Variants in COL4A4 observed in about 807,000 individuals in gnomAD.
COL4A4 encodes the protein collagen type IV alpha 4 chain, also known as collagen alpha-4(IV) chain.
COL4A4 carries 105 observed loss-of-function variants against 192.9 expected under a neutral mutation model. That is an observed-to-expected ratio of 0.54 (90% confidence interval 0.46 to 0.64). The LOEUF is 0.64. Among genes scored for constraint, COL4A4 ranks in the 30% least tolerant of loss-of-function variants. COL4A4 has a pLI of 0.00. For missense variants in COL4A4, 1,967 were observed against 2,169.3 expected, an observed-to-expected ratio of 0.91 and a Z score of 1.85; for synonymous variants, 762 against 769.9, an observed-to-expected ratio of 0.99 and a Z score of 0.17.
intron 22 of COL4A4, among the ~76,000 whole-genome samples, chr2:227,088,319 G>A (rs2059711905): frequency 6.6e-6 from 1 of 152,270 alleles, no homozygotes. Flanking sequence ...TGTTGAGGGA[G>A]GGACCTGGTA....
the COL4A4 span, among the ~76,000 whole-genome samples, chr2:226,986,591 C>A: frequency 1.3e-5 from 2 of 152,202 alleles, no homozygotes; most frequent in Non-Finnish European, 2.9e-5. Flanking sequence ...AGCTCATCAT[C>A]ACTGGTCATT....
intron 37 of COL4A4, among the ~76,000 whole-genome samples, chr2:227,035,530 A>C (rs1262141665): frequency 1.0e-5 from 1 of 97,282 alleles, no homozygotes; most frequent in Admixed American, 9.4e-5. Context: ...CTCGTGCACC[A>C]AAAAAAAAAA....
Position 227,041,709 on chromosome 2 carries a change from AAGGAAGGGAGG to A in COL4A4, c.3505+428_3505+438del, listed in dbSNP as rs1277518005. ...AAGACAGAGAGAGAGAGAGAGAAGG[AAGGAAGGGAGG>A]AGGAAGGAAGGAAGGAAGGAAGGAA... On this transcript the variant is annotated intron_variant, in intron 37 of 47. Coordinates refer to ENST00000396625, the MANE Select transcript of COL4A4 (RefSeq NM_000092.5). 1.8e-3 allele frequency among the ~76,000 whole-genome samples: 240 copies of A among 130,644 alleles called. 5 individuals are homozygous for A. The highest frequency in any genetic ancestry group is 7.6e-3 in the African/African-American group (230 of 30,234). 85.7% of individuals were successfully genotyped at this position (130,644 alleles called of 152,430 possible). A position where few individuals can be genotyped will look rare whatever the true frequency, so the allele number is the denominator to read the frequency against.
chr2:227,106,804 G>A (rs998038892), intron 12 of COL4A4, among the ~76,000 whole-genome samples: 3 of 152,212 alleles, frequency 2.0e-5, no homozygotes, highest in African/African-American at 7.2e-5. Context: ...GACCTGAGGT[G>A]ATCCACCCAC....
chr2:227,005,164 G>A lies in COL4A4; in HGVS notation c.*2161C>T, dbSNP rs1961823034. Reference sequence around the variant, plus strand: ...TCTGATACCTTCCCAAGCTCACTGTGGAGTAAACTGTCTACATAATTTAGC... The same window carrying A: ...TCTGATACCTTCCCAAGCTCACTGTAGAGTAAACTGTCTACATAATTTAGC... On this transcript the variant is annotated 3_prime_UTR_variant, in exon 48 of 48. Coordinates refer to ENST00000396625, the MANE Select transcript of COL4A4 (RefSeq NM_000092.5). 1 of 151,228 alleles carries A rather than the reference G, an allele frequency of 6.6e-6. No individual in the cohort carries two copies. The highest frequency in any genetic ancestry group is 1.5e-5 in the Non-Finnish European group (1 of 67,900). The allele number at this position is 151,228 out of a possible 1,614,324, so 9.4% of individuals were successfully genotyped here.
Position 227,050,058 on chromosome 2 carries a change from C to G in COL4A4, c.3214+10G>C. ...ATTTGACAGATGGCTTCTGTATCTC[C>G]AAACCATACCTTTAGGTCCTCTTGC... On this transcript the variant is annotated intron_variant, in intron 34 of 47. Transcript: ENST00000396625. 6.2e-7 allele frequency: 1 copy of G among 1,613,584 alleles called. No individual in the cohort carries two copies. The highest frequency in any genetic ancestry group is 8.5e-7 in the Non-Finnish European group (1 of 1,179,478).
At chr2:227,139,192 C>T (rs539711436) in intron 4 of COL4A4, among the ~76,000 whole-genome samples, 2 of 152,246 alleles carry the variant, frequency 1.3e-5, no homozygotes, top group African/African-American at 4.8e-5. Context: ...CTGGATCTGC[C>T]AGCACCTTGT....
chr2:227,098,936 A>G (rs542635797), intron 18 of COL4A4, 138 bp from the exon 19 acceptor site: 14 of 700,446 alleles, frequency 2.0e-5, no homozygotes, highest in Non-Finnish European at 3.0e-5. Flanking sequence ...TTAAAACGAA[A>G]TATCTTAAAT....
intron 44 of COL4A4, among the ~76,000 whole-genome samples, chr2:227,016,917 G>A (rs1473162945): frequency 6.6e-6 from 1 of 152,182 alleles, no homozygotes; most frequent in Non-Finnish European, 1.5e-5. Flanking sequence ...GAGGAGCCCT[G>A]CCCTTCCTGG....
chr2:227,030,935 TGG>T, intron 40 of COL4A4, among the ~76,000 whole-genome samples: 1 of 151,036 alleles, frequency 6.6e-6, no homozygotes, highest in African/African-American at 2.4e-5. Context: ...GATGGATGGA[TGG>T]ATGGATGGAT....
At chr2:227,145,213 C>T (rs145700708) in intron 2 of COL4A4, among the ~76,000 whole-genome samples, 3,120 of 152,128 alleles carry the variant, frequency 0.021, 99 homozygotes, top group African/African-American at 0.07. Flanking sequence ...TTTAGGAGGC[C>T]GAGGTGGGCG....
chr2:227,037,874 C>T (rs1489395804), intron 37 of COL4A4, among the ~76,000 whole-genome samples: 9 of 152,096 alleles, frequency 5.9e-5, no homozygotes, highest in Admixed American at 1.3e-4. Flanking sequence ...GTTTGTTGGC[C>T]GCATAAATGT....
chr2:227,055,759 G>A (rs1975183438), intron 30 of COL4A4, among the ~76,000 whole-genome samples, 186 bp downstream of exon 30: 1 of 152,054 alleles, frequency 6.6e-6, no homozygotes, highest in Non-Finnish European at 1.5e-5. Flanking sequence ...CCATTGACCG[G>A]TACAGAAACA....
intron 28 of COL4A4, among the ~76,000 whole-genome samples, chr2:227,057,939 G>A (rs754577240): frequency 6.6e-6 from 1 of 152,176 alleles, no homozygotes; most frequent in Non-Finnish European, 1.5e-5. Flanking sequence ...AACCCAGTTT[G>A]CACTGTATGA....
chr2:227,114,239 G>A (rs1046743251), intron 8 of COL4A4, among the ~76,000 whole-genome samples: 2 of 152,228 alleles, frequency 1.3e-5, no homozygotes, highest in Non-Finnish European at 2.9e-5. Context: ...GCTTTGGGGA[G>A]TTCAGAGGTG....
chr2:227,076,320 C>G (rs765832564), intron 25 of COL4A4, among the ~76,000 whole-genome samples: 1 of 152,114 alleles, frequency 6.6e-6, no homozygotes, highest in African/African-American at 2.4e-5. Flanking sequence ...GAACAGAGAC[C>G]TCAGAAATAA....
chr2:227,068,123 A>G (rs1414478742), intron 25 of COL4A4, among the ~76,000 whole-genome samples: 2 of 147,726 alleles, frequency 1.4e-5, no homozygotes, highest in Non-Finnish European at 1.5e-5. Flanking sequence ...TCTAGAAGAA[A>G]TGGATAAATT....
chr2:227,068,633 T>G (rs1451594436), intron 25 of COL4A4, among the ~76,000 whole-genome samples: 6 of 152,046 alleles, frequency 3.9e-5, no homozygotes, highest in Non-Finnish European at 7.3e-5. Flanking sequence ...ATTATCTCAA[T>G]AGATGCAGAA....
rs1483461114 is a variant in COL4A4, at chr2:227,119,888, T to C, written c.372+7A>G. 1.1e-5 allele frequency: 17 copies of C among 1,578,642 alleles called. No individual in the cohort carries two copies. The highest frequency in any genetic ancestry group is 1.3e-5 in the Non-Finnish European group (15 of 1,160,868). Reference sequence around the variant, plus strand: ...GAAAAAAGTGGAGAAAATTTAGGGATACTTACAGGTATGCCATCTAAACCT... The same window carrying C: ...GAAAAAAGTGGAGAAAATTTAGGGACACTTACAGGTATGCCATCTAAACCT... On this transcript the variant is annotated splice_region_variant and intron_variant, in intron 6 of 47. Transcript: ENST00000396625.
Sources: gnomAD v4.1 joint callset for allele counts (sites outside exome capture counted in the v4.1 genomes callset) on GRCh38, gnomAD v4.1.1 for gene constraint, MANE v1.5 for transcripts, NCBI Gene and HGNC (gene_info 2026-07-23, HGNC 2026-07-21) for gene names.